Variants in DOCK3 observed in about 807,000 individuals in gnomAD.
The protein encoded by DOCK3 is dedicator of cytokinesis 3.
A neutral mutation model predicts 265.6 loss-of-function variants in DOCK3; 60 were observed. That is an observed-to-expected ratio of 0.23 (90% CI 0.18 to 0.28). The LOEUF is 0.28. Among genes scored for constraint, DOCK3 ranks in the 10% least tolerant of loss-of-function variants. The pLI is 1.00. For missense variants in DOCK3, 1,981 were observed against 2,594.3 expected, an observed-to-expected ratio of 0.76 and a Z score of 5.14; for synonymous variants, 881 against 938.0, an observed-to-expected ratio of 0.94 and a Z score of 1.11.
intron 9 of DOCK3, among the ~76,000 whole-genome samples, chr3:51,093,721 T>G (rs1344743690): frequency 3.9e-5 from 6 of 152,166 alleles, no homozygotes; most frequent in Non-Finnish European, 7.4e-5. Context: ...ATAGGAGTGG[T>G]GAGAGGGCAT....
chr3:50,797,913 G>T (rs1260336579), intron 2 of DOCK3, among the ~76,000 whole-genome samples: 1 of 151,962 alleles, frequency 6.6e-6, no homozygotes, highest in Non-Finnish European at 1.5e-5. Context: ...ATCTAATGAC[G>T]AATTACAGAT....
chr3:51,287,062 A>G (rs528684631), intron 27 of DOCK3, among the ~76,000 whole-genome samples: 7 of 152,306 alleles, frequency 4.6e-5, no homozygotes, highest in African/African-American at 1.2e-4. Flanking sequence ...TTTGCAAACT[A>G]TGCATCTGAC....
chr3:51,251,826 A>G (rs1365577946), intron 22 of DOCK3, among the ~76,000 whole-genome samples: 1 of 152,200 alleles, frequency 6.6e-6, no homozygotes, highest in Non-Finnish European at 1.5e-5. Context: ...GTTCACTGTG[A>G]TGATAGCTTC....
Position 51,261,217 on chromosome 3 carries a change from G to A in DOCK3, c.2355+891G>A, listed in dbSNP as rs534401808. 4.5e-4 allele frequency among the ~76,000 whole-genome samples: 68 copies of A among 151,722 alleles called. No homozygotes were observed. In the East Asian group the frequency reaches 4.9e-3, roughly 11 times the overall value. On this transcript the variant is annotated intron_variant, in intron 23 of 52. Transcript: ENST00000266037. ...TTCTGCATTTCCAACTGAGGTACCC[G>A]GCTCATCTCATTGGGACTGGCTAGA...
At chr3:51,294,735 A>C (rs1271434618) in intron 27 of DOCK3, among the ~76,000 whole-genome samples, 1 of 149,628 alleles carries the variant, frequency 6.7e-6, no homozygotes, top group Non-Finnish European at 1.5e-5. Context: ...TAGTAGAATG[A>C]TGGTTACCAG....
At chr3:51,000,196 A>G (rs1252985713) in intron 5 of DOCK3, among the ~76,000 whole-genome samples, 5 of 152,126 alleles carry the variant, frequency 3.3e-5, no homozygotes, top group African/African-American at 1.2e-4. Flanking sequence ...TGACCCCATA[A>G]TCTTTTGCTC....
At chr3:50,932,703 T>C (rs1338521588) in intron 4 of DOCK3, among the ~76,000 whole-genome samples, 1 of 152,192 alleles carries the variant, frequency 6.6e-6, no homozygotes, top group Non-Finnish European at 1.5e-5. Context: ...TGCATACTTT[T>C]CTCGTTTGCA....
chr3:50,963,511 A>G (rs2076946687), intron 5 of DOCK3, among the ~76,000 whole-genome samples: 1 of 152,234 alleles, frequency 6.6e-6, no homozygotes, highest in East Asian at 1.9e-4. Context: ...GAGAATATAA[A>G]CTTGATTTAA....
intron 5 of DOCK3, among the ~76,000 whole-genome samples, chr3:50,962,463 C>G (rs1423535640): frequency 6.6e-6 from 1 of 152,038 alleles, no homozygotes; most frequent in African/African-American, 2.4e-5. Flanking sequence ...TTCTCACTTC[C>G]CAGTTTTCAT....
intron 1 of DOCK3, among the ~76,000 whole-genome samples, chr3:50,739,067 G>T (rs73072493): frequency 0.17 from 25,468 of 151,840 alleles, 2,538 homozygotes; most frequent in South Asian, 0.35. Context: ...TGAGTTTTTG[G>T]GGGGGGGTTA....
At chr3:50,719,760 G>T in intron 1 of DOCK3, 1 of 1,052,974 alleles carries the variant, frequency 9.5e-7, no homozygotes, top group Non-Finnish European at 1.5e-6. Flanking sequence ...CTTGCCACCA[G>T]TGCCATTATG....
intron 23 of DOCK3, among the ~76,000 whole-genome samples, chr3:51,266,037 GACAA>G (rs1263479765): frequency 3.3e-5 from 5 of 151,984 alleles, no homozygotes; most frequent in African/African-American, 1.2e-4. Flanking sequence ...ACCAATAATA[GACAA>G]ACAGAGAGCC....
intron 32 of DOCK3, among the ~76,000 whole-genome samples, chr3:51,322,943 G>T (rs1417912219): frequency 4.1e-5 from 2 of 48,862 alleles, no homozygotes; most frequent in Non-Finnish European, 8.5e-5. Context: ...GCTCAAAATA[G>T]AGGCATGCTT....
chr3:51,204,503 AAGTC>A (rs2089047881), intron 12 of DOCK3, among the ~76,000 whole-genome samples: 1 of 146,918 alleles, frequency 6.8e-6, no homozygotes, highest in Admixed American at 7.0e-5. Context: ...AATCATTAAA[AAGTC>A]AGGAAACAAC....
intron 5 of DOCK3, 52 bp downstream of exon 5, chr3:50,934,129 TA>T: frequency 1.6e-6 from 2 of 1,248,226 alleles, no homozygotes; most frequent in South Asian, 1.4e-5. Context: ...GTGTACCAAG[TA>T]AAAATATTAA....
chr3:51,126,947 C>G (rs1005752552), intron 9 of DOCK3, among the ~76,000 whole-genome samples: 4 of 152,064 alleles, frequency 2.6e-5, no homozygotes, highest in Admixed American at 6.6e-5. Context: ...TTGTTCCCCT[C>G]TGTGGTAGGG....
chr3:50,693,179 T>C (rs1409386854), intron 1 of DOCK3, among the ~76,000 whole-genome samples: 1 of 152,226 alleles, frequency 6.6e-6, no homozygotes, highest in Non-Finnish European at 1.5e-5. Flanking sequence ...AACTTTGTTC[T>C]AATTTTCCAG....
At chr3:50,708,968 C>T (rs1346998936) in intron 1 of DOCK3, among the ~76,000 whole-genome samples, 2 of 152,214 alleles carry the variant, frequency 1.3e-5, no homozygotes, top group African/African-American at 4.8e-5. Context: ...TCTTGAAGCC[C>T]ACCATCATCT....
chr3:51,262,826 G>T (rs1006163369), intron 23 of DOCK3, among the ~76,000 whole-genome samples: 3 of 152,168 alleles, frequency 2.0e-5, no homozygotes, highest in Non-Finnish European at 2.9e-5. Context: ...ATCAGAGATT[G>T]AAGATCAACT....
Sources: allele counts gnomAD v4.1 joint callset (sites outside exome capture counted in the v4.1 genomes callset), GRCh38; gene constraint gnomAD v4.1.1; transcripts MANE v1.5; gene names NCBI Gene and HGNC (gene_info 2026-07-23, HGNC 2026-07-21).